The following FANCL variants were observed in gnomAD, a reference collection of about 807,000 sequenced individuals.
The protein encoded by FANCL is FA complementation group L, also known as E3 ubiquitin-protein ligase FANCL.
Under a neutral mutation model 59.4 loss-of-function variants are expected in FANCL, and 69 were observed. That is an observed-to-expected ratio of 1.16 (90% confidence interval 0.96 to 1.42). The LOEUF (loss-of-function observed/expected upper bound fraction) is 1.42. FANCL is among the 40% of genes most tolerant of loss of function. The probability of loss-of-function intolerance (pLI) is 0.00; values close to 1 mark genes in which losing one functional copy is unlikely to be tolerated. For synonymous variants in FANCL, 180 were observed against 147.1 expected (o/e 1.22, Z -1.62); for missense variants, 519 against 447.2 (o/e 1.16, Z -1.45).
chr2:58,236,817 A>C (rs1340329760), intron 1 of FANCL, among the ~76,000 whole-genome samples: 1 of 152,140 alleles, frequency 6.6e-6, no homozygotes, highest in Non-Finnish European at 1.5e-5. Flanking sequence ...TCTATATGTT[A>C]ATATTGGAAA....
chr2:58,189,980 T>C (rs1688768675), intron 7 of FANCL, among the ~76,000 whole-genome samples: 1 of 152,032 alleles, frequency 6.6e-6, no homozygotes, highest in African/African-American at 2.4e-5. Flanking sequence ...AATAAGAGAA[T>C]ATTAAGAAAT....
chr2:58,229,080 C>A (rs1221538713), intron 3 of FANCL, among the ~76,000 whole-genome samples: 5 of 152,104 alleles, frequency 3.3e-5, no homozygotes, highest in African/African-American at 4.8e-5. Flanking sequence ...TCCTATACTT[C>A]TTTGCAGCTT....
chr2:58,193,497 C>T (rs1360227099), intron 7 of FANCL, among the ~76,000 whole-genome samples: 1 of 152,040 alleles, frequency 6.6e-6, no homozygotes. Context: ...CAAATGACTG[C>T]TACGCTTATA....
chr2:58,171,551 C>A (rs969483624), intron 7 of FANCL, among the ~76,000 whole-genome samples: 3 of 152,048 alleles, frequency 2.0e-5, no homozygotes, highest in Admixed American at 6.6e-5. Flanking sequence ...GATAGAGACA[C>A]GAAAAACCCT....
intron 1 of FANCL, among the ~76,000 whole-genome samples, chr2:58,232,362 T>A (rs1179653337): frequency 2.6e-5 from 4 of 152,052 alleles, no homozygotes; most frequent in Non-Finnish European, 5.9e-5. Context: ...ACTTTGTTTT[T>A]AAAGAGAAAG....
At chr2:58,164,883 C>T (rs1685728546) in intron 8 of FANCL, among the ~76,000 whole-genome samples, 1 of 151,948 alleles carries the variant, frequency 6.6e-6, no homozygotes, top group South Asian at 2.1e-4. Context: ...ACTTTCTTCT[C>T]GTAATACCAC....
chr2:58,186,575 G>C (rs1688422745), intron 7 of FANCL, among the ~76,000 whole-genome samples: 1 of 152,198 alleles, frequency 6.6e-6, no homozygotes, highest in Admixed American at 6.5e-5. Context: ...AAGTTCCTCA[G>C]AATTCCTGTC....
chr2:58,197,106 T>C (rs560286692), intron 7 of FANCL, among the ~76,000 whole-genome samples: 13 of 151,648 alleles, frequency 8.6e-5, no homozygotes, highest in African/African-American at 3.1e-4. Flanking sequence ...CTCTCTCTTC[T>C]CTATTTTGCT....
intron 5 of FANCL, among the ~76,000 whole-genome samples, chr2:58,219,284 G>C (rs569887524): frequency 6.9e-6 from 1 of 144,168 alleles, no homozygotes; most frequent in Non-Finnish European, 1.5e-5. Flanking sequence ...AACAAATTGA[G>C]CAAGAAAATA....
intron 1 of FANCL, among the ~76,000 whole-genome samples, chr2:58,232,613 G>A (rs531198278): frequency 7.2e-5 from 11 of 152,034 alleles, no homozygotes; most frequent in African/African-American, 2.4e-4. Flanking sequence ...AGACATAAGT[G>A]AAATACTTGC....
intron 1 of FANCL, among the ~76,000 whole-genome samples, chr2:58,235,173 G>A (rs1388145460): frequency 2.0e-5 from 3 of 151,882 alleles, no homozygotes; most frequent in African/African-American, 7.3e-5. Context: ...TGCATGGAGA[G>A]TAGAGAAATA....
chr2:58,221,333 T>C (rs887673758), intron 5 of FANCL, among the ~76,000 whole-genome samples: 1 of 152,174 alleles, frequency 6.6e-6, no homozygotes, highest in African/African-American at 2.4e-5. Context: ...AGAAACTGAA[T>C]AGCAAACAAA....
chr2:58,177,628 T>G (rs1573588700), intron 7 of FANCL, among the ~76,000 whole-genome samples: 1 of 87,404 alleles, frequency 1.1e-5, no homozygotes, highest in Non-Finnish European at 2.1e-5. Context: ...CTGGGGACTG[T>G]TGTGGGGTGG....
chr2:58,198,800 C>T (rs867919602), intron 6 of FANCL, 138 bp from the exon 7 acceptor site: 10 of 651,332 alleles, frequency 1.5e-5, no homozygotes, highest in African/African-American at 5.5e-5. Flanking sequence ...GAGGCCGAGG[C>T]GGGCGGATCA....
chr2:58,161,935 A>G (rs1450655527), intron 11 of FANCL, among the ~76,000 whole-genome samples: 2 of 151,944 alleles, frequency 1.3e-5, no homozygotes, highest in African/African-American at 4.8e-5. Context: ...ATTATAGGAA[A>G]TATAATTACA....
intron 1 of FANCL, among the ~76,000 whole-genome samples, chr2:58,233,277 G>A (rs1455160116): frequency 6.6e-6 from 1 of 152,014 alleles, no homozygotes; most frequent in African/African-American, 2.4e-5. Flanking sequence ...GCTGTTATCT[G>A]AAAGAATAAA....
chr2:58,217,155 ATTTATATATTT>A lies in FANCL; in HGVS notation c.374+4776_374+4786del, dbSNP rs1310666391. 2.6e-3 allele frequency among the ~76,000 whole-genome samples: 227 copies of A among 86,820 alleles called. 7 individuals carry two copies. Among genetic ancestry groups the A allele is most frequent in the Middle Eastern group, 5.8e-3 (1 of 172 alleles). The allele number at this position is 86,820 out of a possible 152,430, so 57.0% of individuals were successfully genotyped here. On this transcript the variant is annotated intron_variant, in intron 5 of 13. Coordinates refer to ENST00000233741, the MANE Select transcript of FANCL (RefSeq NM_018062.4). ...TTTTTATATATAGATTTATATATAT[ATTTATATATTT>A]TATATATATATATATATATATATAT...
intron 7 of FANCL, among the ~76,000 whole-genome samples, chr2:58,167,587 G>A (rs1686084259): frequency 6.6e-6 from 1 of 152,070 alleles, no homozygotes; most frequent in South Asian, 2.1e-4. Flanking sequence ...ATGCACAACT[G>A]CAAATAAAAT....
chr2:58,228,220 A>G (rs1003688050), intron 3 of FANCL, among the ~76,000 whole-genome samples: 3 of 152,180 alleles, frequency 2.0e-5, no homozygotes, highest in South Asian at 2.1e-4. Flanking sequence ...AATAATCTCT[A>G]AAGTACAATA....
Sources: allele counts gnomAD v4.1 joint callset (sites outside exome capture counted in the v4.1 genomes callset), GRCh38; gene constraint gnomAD v4.1.1; transcripts MANE v1.5; gene names NCBI Gene and HGNC (gene_info 2026-07-23, HGNC 2026-07-21).